IFIT1B: variants seen among roughly 807,000 people sequenced by gnomAD.
IFIT1B encodes interferon induced protein with tetratricopeptide repeats 1B, also known as protein IFIT1 homolog B.
IFIT1B carries 3 observed loss-of-function variants against 2.5 expected under a neutral mutation model. The ratio of observed to expected loss-of-function variants is 1.21; its 90% CI spans 0.55 to 3.14. The LOEUF (loss-of-function observed/expected upper bound fraction) is 3.14, where lower values mean the gene tolerates loss of function less well. IFIT1B is among the 30% of genes most tolerant of loss of function. The pLI is 0.03. For missense variants in IFIT1B, 545 were observed against 556.5 expected (o/e 0.98, Z 0.21); for synonymous variants, 196 against 203.0 (o/e 0.97, Z 0.29).
chr10:89,383,443 C>T lies in IFIT1B; in HGVS notation c.130C>T (p.Gln44Ter). 6.2e-7 allele frequency: 1 copy of T among 1,614,208 alleles called. No individual in the cohort carries two copies. Among genetic ancestry groups the T allele is most frequent in the Non-Finnish European group, 8.5e-7 (1 of 1,180,036 alleles). The change falls in exon 2 of 2, where the codon CAG becomes TAG. Residue 44 changes from glutamine to a stop codon, truncating the protein, a stop_gained. Transcript: ENST00000371809. LOFTEE classifies it low-confidence loss of function (END_TRUNC). ...DLENRIWEEIQFLDTKYNVGI... is the reference protein window; with the variant it reads ...DLENRIWEEI ...AGAAAACAGGATCTGGGAAGAGATT[C>T]AGTTCCTGGACACCAAATACAATGT...
At position 89,384,459 on chromosome 10, in the gene IFIT1B, C is replaced by G; in HGVS notation, c.1146C>G (p.Tyr382Ter). The change falls in exon 2 of 2, where the codon TAC becomes TAG. Residue 382 changes from tyrosine (Y) to a stop codon, truncating the protein, a stop_gained. Transcript: ENST00000371809. LOFTEE classifies it low-confidence loss of function (END_TRUNC). Reference sequence around the variant, plus strand: ...ATCAGCTAAAGCAAGAGATTCATTACCACTACGGCCGTTTCCAAGAACATC... The same window carrying G: ...ATCAGCTAAAGCAAGAGATTCATTAGCACTACGGCCGTTTCCAAGAACATC... ...FEDQLKQEIH[Y>*]HYGRFQEHHG... 1 of 1,614,168 alleles carries G rather than the reference C, an allele frequency of 6.2e-7. No individual in the cohort carries two copies.
chr10:89,384,122 C>T lies in IFIT1B; in HGVS notation c.809C>T (p.Ala270Val), dbSNP rs756137124. The T allele has an allele frequency of 1.2e-6, 2 of 1,614,152 alleles. No homozygotes were observed. Among genetic ancestry groups the T allele is most frequent in the Non-Finnish European group, 1.7e-6 (2 of 1,180,046 alleles). The change falls in exon 2 of 2, where the codon GCT (alanine) becomes GTT (valine). Residue 270 changes from alanine (A) to valine (V), a missense_variant. Transcript: ENST00000371809. ...CGAAGAAAAGGGTCTGTGGATAAAGCTCTTGAGCTCTTAAAAATGGCCTTG... is the reference window on the plus strand; with the variant it reads ...CGAAGAAAAGGGTCTGTGGATAAAGTTCTTGAGCTCTTAAAAATGGCCTTG... ...FYRRKGSVDK[A>V]LELLKMALET...
chr10:89,384,579 A>C lies in IFIT1B; in HGVS notation c.1266A>C (p.Leu422Phe). ...CCAGGGAAAAACTTCTCAATGCTTT[A>C]GAGAAATTGGCTAAAAGATGTATTC... ...SHSREKLLNA[L>F]EKLAKRCIHQ... The change falls in exon 2 of 2, where the codon TTA (leucine) becomes TTC (phenylalanine). Residue 422 changes from leucine (L) to phenylalanine (F), a missense_variant. Leu to Phe is a conservative substitution (Grantham distance 22). Transcript: ENST00000371809. 4 of 1,614,172 alleles carry C rather than the reference A, an allele frequency of 2.5e-6. No individual in the cohort carries two copies. The highest frequency in any genetic ancestry group is 3.4e-6 in the Non-Finnish European group (4 of 1,179,980).
At chr10:89,378,406 A>G (rs944287905) in intron 1 of IFIT1B, among the ~76,000 whole-genome samples, 1 of 152,156 alleles carries the variant, frequency 6.6e-6, no homozygotes, top group African/African-American at 2.4e-5. Context: ...TTGGTTTACA[A>G]CAGTGGTAAC....
Position 89,384,786 on chromosome 10 carries a change from T to A in IFIT1B, c.*48T>A. The A allele has an allele frequency of 7.1e-7, 1 of 1,409,680 alleles. No homozygotes were observed. Among genetic ancestry groups the A allele is most frequent in the Non-Finnish European group, 9.7e-7 (1 of 1,030,576 alleles). 87.3% of individuals were successfully genotyped at this position (1,409,680 alleles called of 1,614,324 possible). Reference sequence around the variant, plus strand: ...TTAATGGTCTTATAACTAAATAGAATGACTATGAAATTAAATAATGCAAAC... The same window carrying A: ...TTAATGGTCTTATAACTAAATAGAAAGACTATGAAATTAAATAATGCAAAC... On this transcript the variant is annotated 3_prime_UTR_variant, in exon 2 of 2. Coordinates refer to ENST00000371809, the MANE Select transcript of IFIT1B (RefSeq NM_001010987.2).
chr10:89,384,247 G>A lies in IFIT1B; in HGVS notation c.934G>A (p.Gly312Arg), dbSNP rs1393556736. The A allele has an allele frequency of 6.2e-7, 1 of 1,614,088 alleles. No individual in the cohort carries two copies. The highest frequency in any genetic ancestry group is 2.2e-5 in the East Asian group (1 of 44,902). ...GGAAGCTACAAACTGGCAGCCTAGA[G>A]GGCAAGATAGGGAAACTGTGGACAG... is the stretch of plus-strand genomic sequence containing the variant. ...IKEATNWQPR[G>R]QDRETVDRLV... The change falls in exon 2 of 2, where the codon GGG (glycine) becomes AGG (arginine). Residue 312 changes from glycine to arginine, a missense_variant. Transcript: ENST00000371809.
At chr10:89,381,882 C>T (rs912174705) in intron 1 of IFIT1B, among the ~76,000 whole-genome samples, 3 of 152,024 alleles carry the variant, frequency 2.0e-5, no homozygotes, top group African/African-American at 7.2e-5. Flanking sequence ...ACTTTCCAGA[C>T]TCAAGTGATT....
intron 1 of IFIT1B, among the ~76,000 whole-genome samples, chr10:89,382,512 G>A (rs577700018): frequency 7.2e-5 from 11 of 152,310 alleles, no homozygotes; most frequent in Non-Finnish European, 1.3e-4. Context: ...CTCATGAGTG[G>A]CTGAGAGATT....
chr10:89,378,200 T>G, intron 1 of IFIT1B, 60 bp downstream of exon 1: 3 of 1,590,668 alleles, frequency 1.9e-6, no homozygotes, highest in Non-Finnish European at 2.6e-6. Context: ...TCTAAAACTT[T>G]CCTTAAGGGC....
At chr10:89,378,533 C>T (rs1844139129) in intron 1 of IFIT1B, among the ~76,000 whole-genome samples, 1 of 152,154 alleles carries the variant, frequency 6.6e-6, no homozygotes, top group Non-Finnish European at 1.5e-5. Context: ...TCACTGACAA[C>T]CTCAAGCAGA....
Position 89,378,057 on chromosome 10 carries a change from G to T in IFIT1B, c.-79G>T, listed in dbSNP as rs1844135166. The T allele has an allele frequency of 2.0e-6, 3 of 1,516,276 alleles. No individual in the cohort carries two copies. The highest frequency in any genetic ancestry group is 1.7e-5 in the Admixed American group (1 of 59,642). 93.9% of individuals were successfully genotyped at this position (1,516,276 alleles called of 1,614,324 possible). A position where few individuals can be genotyped will look rare whatever the true frequency, so the allele number is the denominator to read the frequency against. On this transcript the variant is annotated 5_prime_UTR_variant, in exon 1 of 2. Transcript: ENST00000371809. ...CACCATGCTTATCTGAGAAGCCCTA[G>T]AACTCTGTGGATGAACCTTGAAGGA...
At chr10:89,382,014 C>T (rs749885103) in intron 1 of IFIT1B, among the ~76,000 whole-genome samples, 3 of 152,118 alleles carry the variant, frequency 2.0e-5, no homozygotes, top group Non-Finnish European at 4.4e-5. Flanking sequence ...AGGCAATCTG[C>T]CTACCTCGGC....
intron 1 of IFIT1B, among the ~76,000 whole-genome samples, chr10:89,381,043 T>A (rs962554295): frequency 1.3e-5 from 2 of 152,200 alleles, no homozygotes; most frequent in Non-Finnish European, 2.9e-5. Flanking sequence ...TTTCCACCTA[T>A]CAATGCATGG....
At position 89,384,593 on chromosome 10, in the gene IFIT1B, A is replaced by G. The variant is rs1468142778; in HGVS notation, c.1280A>G (p.Lys427Arg). 6.2e-7 allele frequency: 1 copy of G among 1,614,110 alleles called. No individual in the cohort carries two copies. Among genetic ancestry groups the G allele is most frequent in the Non-Finnish European group, 8.5e-7 (1 of 1,180,038 alleles). Reference protein sequence around the residue: ...KLLNALEKLAKRCIHQNVRVV... With the variant: ...KLLNALEKLARRCIHQNVRVV... ...CTCAATGCTTTAGAGAAATTGGCTA[A>G]AAGATGTATTCACCAGAATGTACGG... The change falls in exon 2 of 2, where the codon AAA becomes AGA. Residue 427 changes from lysine (K) to arginine (R), a missense_variant. Transcript: ENST00000371809.
At chr10:89,379,081 T>C (rs1167339357) in intron 1 of IFIT1B, among the ~76,000 whole-genome samples, 3 of 152,256 alleles carry the variant, frequency 2.0e-5, no homozygotes, top group Admixed American at 2.0e-4. Context: ...ATTGGTTAAA[T>C]TCACGTGGGA....
In IFIT1B at chr10:89,383,912, C is replaced by T. The variant is rs2133604694; in HGVS notation, c.599C>T (p.Ala200Val). 6.2e-7 allele frequency: 1 copy of T among 1,614,188 alleles called. No individual in the cohort carries two copies. Residue 200 changes from alanine to valine, a missense_variant, in exon 2 of 2, where the codon GCA becomes GTA. Physicochemically the swap from Ala to Val is moderately conservative, Grantham distance 64. Transcript: ENST00000371809. ...KFNTASGRNK[A>V]FSLHVLKRAV... ...AACACAGCATCAGGGAGGAATAAGG[C>T]ATTTTCTCTGCACGTCCTAAAACGA...
rs1344225468 is a variant in IFIT1B, at chr10:89,384,537, A to G, written c.1224A>G (p.Ile408Met). ...AITHYLKGLK[I>M]EKMSHSREKL... is the part of the protein sequence containing the mutation. ...CCCATTATTTAAAAGGTTTGAAAAT[A>G]GAAAAAATGTCCCATTCCAGGGAAA... Residue 408 changes from isoleucine to methionine, a missense_variant, in exon 2 of 2, where the codon ATA becomes ATG. Ile to Met is a conservative substitution (Grantham distance 10, BLOSUM62 1). Coordinates refer to ENST00000371809, the MANE Select transcript of IFIT1B (RefSeq NM_001010987.2). 5 of 1,614,036 alleles carry G rather than the reference A, an allele frequency of 3.1e-6. No homozygotes were observed. Among genetic ancestry groups the G allele is most frequent in the Non-Finnish European group, 4.2e-6 (5 of 1,180,002 alleles).
At chr10:89,380,408 G>A (rs1357900142) in intron 1 of IFIT1B, among the ~76,000 whole-genome samples, 1 of 151,728 alleles carries the variant, frequency 6.6e-6, no homozygotes, top group East Asian at 1.9e-4. Context: ...ACAGGGATTA[G>A]GTCACTACAT....
intron 1 of IFIT1B, among the ~76,000 whole-genome samples, 162 bp downstream of exon 1, chr10:89,378,302 TAATAA>T (rs1844137324): frequency 6.6e-6 from 1 of 152,162 alleles, no homozygotes; most frequent in Non-Finnish European, 1.5e-5. Flanking sequence ...AAGAAGAGTT[TAATAA>T]GGGGGCTATT....
Sources: gnomAD v4.1 joint callset for allele counts (sites outside exome capture counted in the v4.1 genomes callset) on GRCh38, gnomAD v4.1.1 for gene constraint, MANE v1.5 for transcripts, NCBI Gene and HGNC (gene_info 2026-07-23, HGNC 2026-07-21) for gene names.